ENPP2: variants seen among roughly 807,000 people sequenced by gnomAD.
ENPP2 encodes ectonucleotide pyrophosphatase/phosphodiesterase 2.
In ENPP2, 51 loss-of-function variants were observed where a neutral mutation model predicts 120.2. The observed-to-expected ratio is 0.42, with a 90% CI of 0.34 to 0.54. The LOEUF is 0.54. Ranked by LOEUF, ENPP2 falls within the 20% of genes least tolerant of loss-of-function variation. The probability of loss-of-function intolerance (pLI) is 0.04; values close to 1 mark genes in which losing one functional copy is unlikely to be tolerated. For missense variants in ENPP2, 920 were observed against 1,066.5 expected (o/e 0.86, Z 1.91); for synonymous variants, 365 against 366.4 (o/e 1.00, Z 0.04).
intron 15 of ENPP2, among the ~76,000 whole-genome samples, chr8:119,584,805 A>C (rs1812993577): frequency 6.6e-6 from 1 of 152,208 alleles, no homozygotes; most frequent in Non-Finnish European, 1.5e-5. Flanking sequence ...AATAGCTTTC[A>C]TGTTAATTTA....
chr8:119,582,597 G>A lies in ENPP2; in HGVS notation c.1549C>T (p.Leu517=). 6.2e-7 allele frequency: 1 copy of A among 1,609,666 alleles called. No homozygotes were observed. Among genetic ancestry groups the A allele is most frequent in the African/African-American group, 1.3e-5 (1 of 74,834 alleles). The part of the protein sequence containing the change: ...IELYNVMCDL[L]GLKPAPNNGT... ...TTATTAGGAGCTGGCTTCAATCCCA[G>A]GAGATCTAATGAAAATTAAGAAAAG... is the stretch of plus-strand genomic sequence containing the variant. The change falls in exon 18 of 25, where the codon CTG becomes TTG. Residue 517 remains leucine (L), a synonymous_variant. Coordinates refer to ENST00000075322, the MANE Select transcript of ENPP2 (RefSeq NM_001040092.3).
intron 23 of ENPP2, 68 bp from the exon 24 acceptor site, chr8:119,563,081 T>C: frequency 7.2e-7 from 1 of 1,392,736 alleles, no homozygotes; most frequent in South Asian, 1.3e-5. Flanking sequence ...TTTTAAATGG[T>C]GATCAATGAA....
intron 22 of ENPP2, among the ~76,000 whole-genome samples, chr8:119,567,765 A>G (rs748157156): frequency 4.6e-5 from 7 of 152,254 alleles, no homozygotes; most frequent in Admixed American, 1.3e-4. Flanking sequence ...TTAAATATCA[A>G]GTGGCTTTCA....
chr8:119,617,322 G>C, intron 6 of ENPP2, 79 bp from the exon 7 acceptor site: 1 of 1,232,986 alleles, frequency 8.1e-7, no homozygotes, highest in Non-Finnish European at 1.2e-6. Context: ...TAAACACTCA[G>C]ACATGTGTTA....
chr8:119,623,252 T>C (rs1816033140), intron 3 of ENPP2, among the ~76,000 whole-genome samples: 2 of 151,890 alleles, frequency 1.3e-5, no homozygotes, highest in South Asian at 4.2e-4. Flanking sequence ...GATCGTGAGG[T>C]CAGGAGTTCG....
intron 24 of ENPP2, among the ~76,000 whole-genome samples, chr8:119,558,079 T>A (rs1013939167): frequency 6.6e-6 from 1 of 152,264 alleles, no homozygotes; most frequent in Non-Finnish European, 1.5e-5. Flanking sequence ...TAACTTGGAA[T>A]ATGCTTCTGC....
chr8:119,592,473 CAAAAAAAA>C (rs61330053), intron 12 of ENPP2, among the ~76,000 whole-genome samples: 13 of 54,934 alleles, frequency 2.4e-4, no homozygotes, highest in Non-Finnish European at 2.0e-4. Context: ...AACTCCACCT[CAAAAAAAA>C]AAAAAAAAAA....
chr8:119,639,647 G>A (rs541612231), upstream of ENPP2, among the ~76,000 whole-genome samples: 3 of 152,072 alleles, frequency 2.0e-5, no homozygotes, highest in Non-Finnish European at 4.4e-5. Context: ...GATGGGTGGG[G>A]GAAGGGGATG....
intron 8 of ENPP2, among the ~76,000 whole-genome samples, chr8:119,611,954 G>A (rs1260603679): frequency 2.0e-5 from 3 of 152,162 alleles, no homozygotes; most frequent in South Asian, 2.1e-4. Context: ...ACTTGAACCC[G>A]GGAGGCGGAG....
Position 119,626,650 on chromosome 8 carries a change from A to G in ENPP2, c.207T>C (p.Ala69=), listed in dbSNP as rs199992040. ...CKGRCFELQE[A]GPPDCRCDNL... Reference sequence around the variant, plus strand: ...TGTCACAGCGACAATCAGGAGGTCCAGCCTCTTGAAGTTCAAAGCACCTGC... The same window carrying G: ...TGTCACAGCGACAATCAGGAGGTCCGGCCTCTTGAAGTTCAAAGCACCTGC... Residue 69 remains alanine (A), a synonymous_variant, in exon 3 of 25, where the codon GCT becomes GCC. Transcript: ENST00000075322. 1.4e-5 allele frequency: 23 copies of G among 1,613,846 alleles called. No individual in the cohort carries two copies. The East Asian group carries it at 4.0e-4, about 28-fold the overall frequency.
intron 2 of ENPP2, among the ~76,000 whole-genome samples, chr8:119,629,302 C>T (rs1438343864): frequency 6.6e-6 from 1 of 151,796 alleles, no homozygotes; most frequent in African/African-American, 2.4e-5. Context: ...TGTAAATATC[C>T]TAACAAATAT....
At chr8:119,627,866 AT>A (rs1309159911) in intron 2 of ENPP2, among the ~76,000 whole-genome samples, 120 of 16,074 alleles carry the variant, frequency 7.5e-3, no homozygotes, top group East Asian at 0.06. Flanking sequence ...CGTCTTAAAA[AT>A]ATATATATAT....
At chr8:119,670,522 A>C (rs1442508822) in intron 1 of ENPP2, among the ~76,000 whole-genome samples, 2 of 152,184 alleles carry the variant, frequency 1.3e-5, no homozygotes, top group Non-Finnish European at 2.9e-5. Context: ...TTGATCCCTA[A>C]GGACTGGTGT....
rs548019248 is a variant in ENPP2 at position 119,663,789 on chromosome 8, A to G, written c.21+9463T>C. ...GGTCACCCAAGGGAAAAGTACGATA[A>G]TCTTGCATTTGTACCTGCTGATTAA... On this transcript the variant is annotated intron_variant, in intron 1 of 25. Transcript: ENST00000427067. 8.5e-5 allele frequency among the ~76,000 whole-genome samples: 13 copies of G among 152,328 alleles called. No individual in the cohort carries two copies. In the South Asian group the frequency reaches 2.5e-3, roughly 29 times the overall value.
intron 20 of ENPP2, among the ~76,000 whole-genome samples, chr8:119,570,097 C>T (rs1294768744): frequency 1.3e-5 from 2 of 151,646 alleles, no homozygotes; most frequent in Non-Finnish European, 2.9e-5. Context: ...GGCAAAACTC[C>T]ATCTCTACTA....
chr8:119,618,897 G>T (rs557380614), intron 5 of ENPP2, among the ~76,000 whole-genome samples: 2 of 151,704 alleles, frequency 1.3e-5, no homozygotes, highest in Non-Finnish European at 2.9e-5. Context: ...CCCACTCCCC[G>T]CAAAGTAGGC....
At chr8:119,558,229 G>A (rs931578249) in intron 24 of ENPP2, among the ~76,000 whole-genome samples, 24 of 152,224 alleles carry the variant, frequency 1.6e-4, no homozygotes, top group Non-Finnish European at 3.1e-4. Flanking sequence ...AGGTCAACTC[G>A]AAACCACTCA....
At chr8:119,665,607 A>T (rs899145235) in intron 1 of ENPP2, among the ~76,000 whole-genome samples, 7 of 152,242 alleles carry the variant, frequency 4.6e-5, no homozygotes, top group African/African-American at 1.7e-4. Flanking sequence ...CTTATCAGTT[A>T]TCAATCCCTT....
At chr8:119,658,232 T>C (rs780200825) in intron 1 of ENPP2, among the ~76,000 whole-genome samples, 1 of 152,212 alleles carries the variant, frequency 6.6e-6, no homozygotes, top group African/African-American at 2.4e-5. Context: ...TTGTTTGTTA[T>C]GTGGATATTG....
Sources: gnomAD v4.1 joint callset for allele counts (sites outside exome capture counted in the v4.1 genomes callset) on GRCh38, gnomAD v4.1.1 for gene constraint, MANE v1.5 for transcripts, NCBI Gene and HGNC (gene_info 2026-07-23, HGNC 2026-07-21) for gene names.